EYS: variants seen among roughly 807,000 people sequenced by gnomAD.
The protein encoded by EYS is EGF-like photoreceptor maintenance factor.
A neutral mutation model predicts 282.1 loss-of-function variants in EYS; 250 were observed. The observed-to-expected ratio is 0.89, with a 90% CI of 0.80 to 0.98. The LOEUF (loss-of-function observed/expected upper bound fraction) is 0.98, where lower values mean the gene tolerates loss of function less well. Among genes scored for constraint, EYS ranks in the 50% least tolerant of loss-of-function variants. The probability of loss-of-function intolerance (pLI) is 0.00; values close to 1 mark genes in which losing one functional copy is unlikely to be tolerated. For missense variants in EYS, 4,016 were observed against 3,709.0 expected (o/e 1.08, Z -2.15); for synonymous variants, 1,355 against 1,282.9 (o/e 1.06, Z -1.20).
chr6:64,737,416 G>A (rs1309652739), intron 22 of EYS, among the ~76,000 whole-genome samples: 1 of 151,982 alleles, frequency 6.6e-6, no homozygotes, highest in Non-Finnish European at 1.5e-5. Context: ...CTTTAACCTG[G>A]TAGAGAAAAA....
At chr6:63,868,373 C>T (rs1402131783) in intron 35 of EYS, among the ~76,000 whole-genome samples, 3 of 151,952 alleles carry the variant, frequency 2.0e-5, no homozygotes, top group Non-Finnish European at 2.9e-5. Context: ...GAAAAGGGTG[C>T]CCACTACTTA....
At chr6:63,920,981 C>T (rs1235818577) in intron 35 of EYS, among the ~76,000 whole-genome samples, 2 of 152,112 alleles carry the variant, frequency 1.3e-5, no homozygotes, top group African/African-American at 4.8e-5. Context: ...CAAGTTCCGC[C>T]TCCCGGGTTC....
intron 39 of EYS, 38 bp from the exon 40 acceptor site, chr6:63,778,218 GAAGA>G: frequency 3.3e-6 from 5 of 1,532,380 alleles, no homozygotes; most frequent in Non-Finnish European, 4.4e-6. Context: ...TTAACAAACA[GAAGA>G]AATAGAAAAA....
chr6:64,611,986 G>GTA (rs1401124542), intron 24 of EYS, among the ~76,000 whole-genome samples: 1 of 151,860 alleles, frequency 6.6e-6, no homozygotes, highest in Non-Finnish European at 1.5e-5. Flanking sequence ...AAAACACTTG[G>GTA]TAAATATTTA....
intron 31 of EYS, among the ~76,000 whole-genome samples, chr6:64,191,345 A>G (rs1277532770): frequency 6.6e-6 from 1 of 151,896 alleles, no homozygotes; most frequent in Non-Finnish European, 1.5e-5. Flanking sequence ...TAATATTATT[A>G]TTATACTTTA....
intron 22 of EYS, among the ~76,000 whole-genome samples, chr6:64,781,140 A>G (rs1053636761): frequency 5.9e-5 from 9 of 152,306 alleles, no homozygotes; most frequent in African/African-American, 2.2e-4. Context: ...GGTAGAGTTG[A>G]CAGATTTGGC....
At chr6:63,891,404 C>T (rs1007731871) in intron 35 of EYS, among the ~76,000 whole-genome samples, 2 of 152,184 alleles carry the variant, frequency 1.3e-5, no homozygotes, top group African/African-American at 4.8e-5. Context: ...AAGTCAGCTT[C>T]ATCCCTGGGA....
intron 31 of EYS, among the ~76,000 whole-genome samples, chr6:64,117,787 T>G (rs1219261004): frequency 6.6e-6 from 1 of 151,946 alleles, no homozygotes; most frequent in South Asian, 2.1e-4. Flanking sequence ...TAACATAGTC[T>G]TATATATTTA....
rs189155676 is a variant in EYS at position 64,589,004 on chromosome 6, G to A, written c.5644+1219C>T. 2.6e-3 allele frequency among the ~76,000 whole-genome samples: 397 copies of A among 152,112 alleles called. 2 individuals carry two copies. The highest frequency in any genetic ancestry group is 1.9e-3 in the Non-Finnish European group (130 of 67,968). Reference sequence around the variant, plus strand: ...ACTAATAATGAAGAATTTGTGCCCTGATTATTTCCAAGAGGTGGCTATGGG... The same window carrying A: ...ACTAATAATGAAGAATTTGTGCCCTAATTATTTCCAAGAGGTGGCTATGGG... On this transcript the variant is annotated intron_variant, in intron 26 of 42. Coordinates refer to ENST00000503581, the MANE Select transcript of EYS (RefSeq NM_001142800.2).
chr6:64,554,274 T>C (rs1277739019), intron 26 of EYS, among the ~76,000 whole-genome samples: 1 of 152,046 alleles, frequency 6.6e-6, no homozygotes, highest in Non-Finnish European at 1.5e-5. Flanking sequence ...TGCTATACCA[T>C]AGAAATAACT....
chr6:65,259,734 A>T (rs1468630534), intron 12 of EYS, among the ~76,000 whole-genome samples: 3 of 152,066 alleles, frequency 2.0e-5, no homozygotes, highest in South Asian at 4.1e-4. Context: ...CTAACTCGAC[A>T]TATCTTTCAA....
chr6:63,989,878 C>T (rs903817592), intron 34 of EYS, among the ~76,000 whole-genome samples: 4 of 151,466 alleles, frequency 2.6e-5, no homozygotes, highest in South Asian at 2.1e-4. Flanking sequence ...CAGTAGCTCA[C>T]ACAAGGTTAT....
intron 26 of EYS, among the ~76,000 whole-genome samples, chr6:64,534,555 A>G (rs943921457): frequency 6.6e-6 from 1 of 151,964 alleles, no homozygotes; most frequent in Admixed American, 6.6e-5. Flanking sequence ...TTTTGCTTTC[A>G]TTCTGCTTCT....
intron 22 of EYS, among the ~76,000 whole-genome samples, chr6:64,629,875 A>G (rs1767724562): frequency 6.6e-6 from 1 of 152,152 alleles, no homozygotes; most frequent in African/African-American, 2.4e-5. Context: ...TGTTCAATCT[A>G]CATACCTTTT....
At chr6:64,041,495 T>TA (rs1770388744) in intron 33 of EYS, among the ~76,000 whole-genome samples, 1 of 152,168 alleles carries the variant, frequency 6.6e-6, no homozygotes, top group African/African-American at 2.4e-5. Flanking sequence ...CTTTGCCCTT[T>TA]AAAAAGAGAA....
chr6:64,011,602 TC>T (rs1768635493), intron 33 of EYS, among the ~76,000 whole-genome samples: 1 of 151,610 alleles, frequency 6.6e-6, no homozygotes, highest in Non-Finnish European at 1.5e-5. Context: ...TTTTTTTTTT[TC>T]CAGAGAGAAA....
chr6:65,178,318 C>T (rs985775792), intron 12 of EYS, among the ~76,000 whole-genome samples: 1 of 151,964 alleles, frequency 6.6e-6, no homozygotes, highest in African/African-American at 2.4e-5. Context: ...TCTTTCTAAA[C>T]TTGTTACTGT....
chr6:64,222,023 G>C (rs910790709), intron 31 of EYS, among the ~76,000 whole-genome samples: 1 of 152,030 alleles, frequency 6.6e-6, no homozygotes, highest in African/African-American at 2.4e-5. Flanking sequence ...CAAGAGAACT[G>C]CAGGCAAAAG....
At chr6:64,779,224 A>G (rs1267190322) in intron 22 of EYS, among the ~76,000 whole-genome samples, 1 of 152,158 alleles carries the variant, frequency 6.6e-6, no homozygotes, top group African/African-American at 2.4e-5. Context: ...CTAATTGCCA[A>G]AACTTGGAAG....
Sources: allele counts gnomAD v4.1 joint callset (sites outside exome capture counted in the v4.1 genomes callset), GRCh38; gene constraint gnomAD v4.1.1; transcripts MANE v1.5; gene names NCBI Gene and HGNC (gene_info 2026-07-23, HGNC 2026-07-21).